The following ZNF93 variants were observed in gnomAD, a reference collection of about 807,000 sequenced individuals.
ZNF93 encodes the protein zinc finger protein 505.
Under a neutral mutation model 45.0 loss-of-function variants are expected in ZNF93, and 29 were observed. The observed-to-expected ratio is 0.64, with a 90% CI of 0.48 to 0.88. ZNF93 has a LOEUF of 0.88. Ranked by LOEUF, ZNF93 falls within the 40% of genes least tolerant of loss-of-function variation. ZNF93 has a pLI of 0.00. For missense variants in ZNF93, 578 were observed against 724.0 expected (o/e 0.80, Z 2.31); for synonymous variants, 223 against 244.6 (o/e 0.91, Z 0.82).
chr19:19,923,152 A>G (rs1477608659), intron 3 of ZNF93, among the ~76,000 whole-genome samples: 4 of 152,202 alleles, frequency 2.6e-5, no homozygotes, highest in Middle Eastern at 3.2e-3. Context: ...TCCTTCTAAC[A>G]GTCAGGACCC....
chr19:19,913,215 C>A (rs1568508237), intron 1 of ZNF93, among the ~76,000 whole-genome samples: 1 of 152,176 alleles, frequency 6.6e-6, no homozygotes, highest in Non-Finnish European at 1.5e-5. Flanking sequence ...TGTGCGGCCA[C>A]AATTATCAAG....
chr19:19,931,470 C>T (rs1267253696), intron 3 of ZNF93, among the ~76,000 whole-genome samples: 2 of 152,118 alleles, frequency 1.3e-5, no homozygotes, highest in African/African-American at 4.8e-5. Flanking sequence ...GGATTACTAG[C>T]ATGAGCCACT....
intron 2 of ZNF93, 79 bp downstream of exon 2, chr19:19,915,485 A>G (rs1346558141): frequency 3.3e-6 from 5 of 1,521,282 alleles, no homozygotes; most frequent in South Asian, 1.3e-5. Flanking sequence ...TTTTTTAGTA[A>G]TTTATTCTTT....
Position 19,933,929 on chromosome 19 carries a change from C to T in ZNF93, c.974C>T (p.Ser325Phe), listed in dbSNP as rs2063383444. The T allele has an allele frequency of 6.2e-7, 1 of 1,612,458 alleles. No homozygotes were observed. Among genetic ancestry groups the T allele is most frequent in the African/African-American group, 1.3e-5 (1 of 74,798 alleles). ...CEECGKAFKY[S>F]RILTTHKRIH... is the part of the protein sequence containing the mutation. ...GAATGTGGCAAAGCCTTTAAGTACT[C>T]CCGTATCCTTACTACACATAAGAGA... Residue 325 changes from serine to phenylalanine, a missense_variant, in exon 4 of 4, where the codon TCC becomes TTC. Ser to Phe is a radical substitution (Grantham distance 155). Coordinates refer to ENST00000343769, the MANE Select transcript of ZNF93 (RefSeq NM_031218.4).
At chr19:19,910,342 T>C (rs1283661263) in intron 1 of ZNF93, among the ~76,000 whole-genome samples, 1 of 152,202 alleles carries the variant, frequency 6.6e-6, no homozygotes, top group Non-Finnish European at 1.5e-5. Flanking sequence ...CTTGAAACTG[T>C]TCACTATTGC....
At chr19:19,926,492 T>G (rs1287444164) in intron 3 of ZNF93, among the ~76,000 whole-genome samples, 1 of 150,446 alleles carries the variant, frequency 6.6e-6, no homozygotes, top group Middle Eastern at 3.2e-3. Flanking sequence ...GTAGGGTTTT[T>G]TTTTTTTCCG....
chr19:19,909,020 G>C (rs947905245), intron 1 of ZNF93: 1 of 152,448 alleles, frequency 6.6e-6, no homozygotes, highest in Non-Finnish European at 1.5e-5. Flanking sequence ...TGAAAATTCA[G>C]AAGTATTTTT....
chr19:19,931,091 A>G (rs1035692761), intron 3 of ZNF93, among the ~76,000 whole-genome samples: 3 of 151,148 alleles, frequency 2.0e-5, no homozygotes, highest in Admixed American at 6.6e-5. Flanking sequence ...AGCACACTGT[A>G]TGCTTTTTTA....
intron 2 of ZNF93, 51 bp from the exon 3 acceptor site, chr19:19,916,509 G>T: frequency 6.8e-7 from 1 of 1,463,830 alleles, no homozygotes; most frequent in Non-Finnish European, 9.5e-7. Context: ...TTACTAGCTT[G>T]TAATTGGAGA....
intron 3 of ZNF93, among the ~76,000 whole-genome samples, chr19:19,928,345 T>G (rs760669754): frequency 4.4e-4 from 67 of 152,234 alleles, no homozygotes; most frequent in Admixed American, 5.2e-4. Context: ...AGCTTTTAAC[T>G]GTAGGTTGTA....
At chr19:19,928,032 A>G (rs1429760191) in intron 3 of ZNF93, among the ~76,000 whole-genome samples, 1 of 152,184 alleles carries the variant, frequency 6.6e-6, no homozygotes, top group Non-Finnish European at 1.5e-5. Flanking sequence ...CAGGCTTGAG[A>G]CACTGCACCT....
intron 1 of ZNF93, among the ~76,000 whole-genome samples, chr19:19,914,331 G>A (rs1457519906): frequency 6.6e-6 from 1 of 152,086 alleles, no homozygotes; most frequent in Non-Finnish European, 1.5e-5. Context: ...TGCTCTCTAG[G>A]GTGCTAAATG....
chr19:19,924,571 T>C lies in ZNF93; in HGVS notation c.226+7916T>C, dbSNP rs184359088. Among the ~76,000 whole-genome samples, 20 of 144,758 alleles carry C rather than the reference T, an allele frequency of 1.4e-4. No homozygotes were observed. In the East Asian group the frequency reaches 4.0e-3, roughly 29 times the overall value. The allele number at this position is 144,758 out of a possible 152,430, so 95.0% of individuals were successfully genotyped here. A position where few individuals can be genotyped will look rare whatever the true frequency, so the allele number is the denominator to read the frequency against. On this transcript the variant is annotated intron_variant, in intron 3 of 3. Transcript: ENST00000343769. ...GCATTTCCTCAGGTAACTGTGTGGG[T>C]TTCTTTTTTTCTTTCTTTTTTTTTT... is the stretch of plus-strand genomic sequence containing the variant.
chr19:19,902,191 A>G (rs2063274752), intron 1 of ZNF93, among the ~76,000 whole-genome samples: 1 of 152,218 alleles, frequency 6.6e-6, no homozygotes, highest in African/African-American at 2.4e-5. Context: ...CCAAGTGAAT[A>G]ACTCTGACAT....
At chr19:19,913,508 GT>G (rs976078972) in intron 1 of ZNF93, among the ~76,000 whole-genome samples, 24 of 152,272 alleles carry the variant, frequency 1.6e-4, no homozygotes, top group African/African-American at 4.8e-4. Context: ...TTCTATTTGG[GT>G]TTGGTAGGGA....
chr19:19,912,255 AG>A (rs1490912376), intron 1 of ZNF93, among the ~76,000 whole-genome samples: 1 of 152,180 alleles, frequency 6.6e-6, no homozygotes, highest in Non-Finnish European at 1.5e-5. Flanking sequence ...CAAAACTGGA[AG>A]TTTCCTAGTT....
In ZNF93 at chr19:19,933,579, A is replaced by G; in HGVS notation, c.624A>G (p.Lys208=). The change falls in exon 4 of 4, where the codon AAA becomes AAG. Residue 208 remains lysine, a synonymous_variant. Transcript: ENST00000343769. Reference sequence around the variant, plus strand: ...CCTACATTTGTGAAGAATGTGGCAAAGCCTTTAAGTACTCCTCTGCCCTTA... The same window carrying G: ...CCTACATTTGTGAAGAATGTGGCAAGGCCTTTAAGTACTCCTCTGCCCTTA... ...EKPYICEECG[K]AFKYSSALNT... is the part of the protein sequence containing the mutation. The G allele has an allele frequency of 1.2e-6, 2 of 1,608,084 alleles. No homozygotes were observed. Among genetic ancestry groups the G allele is most frequent in the Non-Finnish European group, 1.7e-6 (2 of 1,177,738 alleles).
At position 19,933,512 on chromosome 19, in the gene ZNF93, C is replaced by T. The variant is rs1377669666; in HGVS notation, c.557C>T (p.Ser186Leu). ...TGTGGCAAAGCTTTTAACCAGTTCT[C>T]AACCCTTATAACACATAAGAAAATT... ...IECGKAFNQF[S>L]TLITHKKIHT... The change falls in exon 4 of 4, where the codon TCA becomes TTA. Residue 186 changes from serine to leucine, a missense_variant. Transcript: ENST00000343769. 1.2e-6 allele frequency: 2 copies of T among 1,607,032 alleles called. No individual in the cohort carries two copies. Among genetic ancestry groups the T allele is most frequent in the Non-Finnish European group, 1.7e-6 (2 of 1,177,908 alleles).
At chr19:19,902,036 C>G (rs117362196) in intron 1 of ZNF93, among the ~76,000 whole-genome samples, 6,269 of 151,980 alleles carry the variant, frequency 0.041, 211 homozygotes, top group Non-Finnish European at 0.065. Flanking sequence ...TGCAGTGAGC[C>G]GAGAGCTTGC....
Sources: allele counts gnomAD v4.1 joint callset (sites outside exome capture counted in the v4.1 genomes callset), GRCh38; gene constraint gnomAD v4.1.1; transcripts MANE v1.5; gene names NCBI Gene and HGNC (gene_info 2026-07-23, HGNC 2026-07-21).